Variants in TPST1 observed in about 807,000 individuals in gnomAD.
The protein encoded by TPST1 is tyrosylprotein sulfotransferase 1, also known as protein-tyrosine sulfotransferase 1.
Under a neutral mutation model 34.8 loss-of-function variants are expected in TPST1, and 20 were observed. The ratio of observed to expected loss-of-function variants is 0.57; its 90% CI spans 0.40 to 0.84. TPST1 has a LOEUF of 0.84. Among genes scored for constraint, TPST1 ranks in the 40% least tolerant of loss-of-function variants. TPST1 has a pLI of 0.00. For synonymous variants in TPST1, 152 were observed against 159.4 expected (o/e 0.95, Z 0.35); for missense variants, 353 against 455.5 (o/e 0.78, Z 2.05).
Position 66,315,433 on chromosome 7 carries a change from C to T in TPST1, c.1044+28724C>T, listed in dbSNP as rs1791613546. On this transcript the variant is annotated intron_variant, in intron 3 of 5. Coordinates refer to ENST00000304842, the MANE Select transcript of TPST1 (RefSeq NM_003596.4). ...ATCAGCTGAGTTCTTCCTGCTGCTG[C>T]TCTGACCTGTTAGTAGTGCTCACGG... Among the ~76,000 whole-genome samples, 2 of 152,212 alleles carry T rather than the reference C, an allele frequency of 1.3e-5. 1 individual carries two copies. Among genetic ancestry groups the T allele is most frequent in the South Asian group, 4.1e-4 (2 of 4,834 alleles).
intron 1 of TPST1, among the ~76,000 whole-genome samples, chr7:66,231,144 A>G (rs531934571): frequency 6.6e-6 from 1 of 152,190 alleles, no homozygotes; most frequent in South Asian, 2.1e-4. Flanking sequence ...CGATTGGTGC[A>G]CTCACAAACC....
chr7:66,337,314 T>TC (rs1212369318), intron 3 of TPST1, among the ~76,000 whole-genome samples: 1 of 148,642 alleles, frequency 6.7e-6, no homozygotes, highest in African/African-American at 2.5e-5. Context: ...TTTTTTTTTT[T>TC]TTTTTTTTTT....
intron 2 of TPST1, among the ~76,000 whole-genome samples, chr7:66,252,128 G>A (rs558678909): frequency 6.6e-6 from 1 of 151,882 alleles, no homozygotes; most frequent in East Asian, 1.9e-4. Context: ...TGCGATCTCG[G>A]CTCACTGCAA....
intron 1 of TPST1, among the ~76,000 whole-genome samples, chr7:66,210,825 C>T (rs1325521007): frequency 6.6e-6 from 1 of 151,962 alleles, no homozygotes; most frequent in Middle Eastern, 3.2e-3. Context: ...ACTAGCCAGG[C>T]ACATGTGATG....
rs1487744050 is a variant in TPST1 at position 66,219,087 on chromosome 7, A to G, written c.-102+13565A>G. ...TTTTTTTGGTATTTTTAGTAGAGACAGGGTTTTGCCATGTTGGCCATGCTG... is the reference window on the plus strand; with the variant it reads ...TTTTTTTGGTATTTTTAGTAGAGACGGGGTTTTGCCATGTTGGCCATGCTG... On this transcript the variant is annotated intron_variant, in intron 1 of 5. Coordinates refer to ENST00000304842, the MANE Select transcript of TPST1 (RefSeq NM_003596.4). Among the ~76,000 whole-genome samples the G allele has an allele frequency of 1.4e-3, 198 of 141,446 alleles. 1 individual carries two copies. Among genetic ancestry groups the G allele is most frequent in the Non-Finnish European group, 2.4e-3 (161 of 65,860 alleles). 92.8% of individuals were successfully genotyped at this position (141,446 alleles called of 152,430 possible).
At chr7:66,209,638 T>C (rs1212823107) in intron 1 of TPST1, among the ~76,000 whole-genome samples, 1 of 152,192 alleles carries the variant, frequency 6.6e-6, no homozygotes, top group East Asian at 1.9e-4. Flanking sequence ...AGGCTTCTGG[T>C]TATCTCTGCA....
chr7:66,347,920 A>G (rs1019981808), intron 3 of TPST1, among the ~76,000 whole-genome samples: 2 of 152,178 alleles, frequency 1.3e-5, no homozygotes, highest in Admixed American at 6.5e-5. Context: ...ATCTATAAAC[A>G]AGGATAATTT....
intron 3 of TPST1, among the ~76,000 whole-genome samples, chr7:66,294,593 C>T (rs1024823502): frequency 4.6e-5 from 7 of 151,408 alleles, no homozygotes; most frequent in Non-Finnish European, 8.9e-5. Flanking sequence ...ATCCTCTTTA[C>T]ACTTTTTATA....
chr7:66,248,090 G>A (rs1325678565), intron 2 of TPST1, among the ~76,000 whole-genome samples: 3 of 152,182 alleles, frequency 2.0e-5, no homozygotes, highest in Admixed American at 6.5e-5. Flanking sequence ...TAACAAAGAT[G>A]AGTAACAATG....
chr7:66,258,185 T>G (rs989747339), intron 2 of TPST1, among the ~76,000 whole-genome samples: 4 of 152,180 alleles, frequency 2.6e-5, no homozygotes, highest in Admixed American at 6.5e-5. Flanking sequence ...TACTTTTGAT[T>G]GTCTTTTCCC....
chr7:66,264,332 G>A (rs572192025), intron 2 of TPST1, among the ~76,000 whole-genome samples: 1 of 152,308 alleles, frequency 6.6e-6, no homozygotes, highest in East Asian at 1.9e-4. Context: ...CAAGAATGTA[G>A]AAGGCCACAT....
chr7:66,307,101 A>T (rs1791438787), intron 3 of TPST1, among the ~76,000 whole-genome samples: 1 of 151,664 alleles, frequency 6.6e-6, no homozygotes, highest in South Asian at 2.1e-4. Flanking sequence ...AGGTGGCTTA[A>T]CCTCACCATA....
At chr7:66,263,476 T>C (rs1790528819) in intron 2 of TPST1, among the ~76,000 whole-genome samples, 1 of 152,188 alleles carries the variant, frequency 6.6e-6, no homozygotes, top group Non-Finnish European at 1.5e-5. Flanking sequence ...AGTCCTAGTA[T>C]GTAGAGGCTG....
At chr7:66,261,660 A>G (rs1243800672) in intron 2 of TPST1, among the ~76,000 whole-genome samples, 1 of 152,162 alleles carries the variant, frequency 6.6e-6, no homozygotes, top group Non-Finnish European at 1.5e-5. Context: ...TATATTTAAT[A>G]CATGTATTTT....
intron 2 of TPST1, among the ~76,000 whole-genome samples, chr7:66,264,308 G>C (rs760765862): frequency 1.3e-5 from 2 of 152,214 alleles, no homozygotes; most frequent in Non-Finnish European, 2.9e-5. Flanking sequence ...GCTTTGAAAA[G>C]CTTCACATAT....
At chr7:66,215,931 G>C (rs1302012405) in intron 1 of TPST1, among the ~76,000 whole-genome samples, 1 of 149,944 alleles carries the variant, frequency 6.7e-6, no homozygotes, top group Non-Finnish European at 1.5e-5. Context: ...CGCCACGACG[G>C]CTGGCTAATT....
intron 1 of TPST1, among the ~76,000 whole-genome samples, chr7:66,209,294 G>C (rs1167020562): frequency 1.3e-5 from 2 of 152,146 alleles, no homozygotes; most frequent in East Asian, 3.8e-4. Flanking sequence ...TGATAACCTG[G>C]TGCTTTTGGG....
At chr7:66,311,739 G>A (rs1330407132) in intron 3 of TPST1, among the ~76,000 whole-genome samples, 1 of 152,084 alleles carries the variant, frequency 6.6e-6, no homozygotes, top group Non-Finnish European at 1.5e-5. Flanking sequence ...ATAATAAGAT[G>A]GGAGAAGAAT....
At chr7:66,225,826 C>CTA (rs1789643361) in intron 1 of TPST1, among the ~76,000 whole-genome samples, 1 of 152,154 alleles carries the variant, frequency 6.6e-6, no homozygotes, top group African/African-American at 2.4e-5. Context: ...GCCTCAAACA[C>CTA]TATAGTCTCT....
Sources: allele counts gnomAD v4.1 joint callset (sites outside exome capture counted in the v4.1 genomes callset), GRCh38; gene constraint gnomAD v4.1.1; transcripts MANE v1.5; gene names NCBI Gene and HGNC (gene_info 2026-07-23, HGNC 2026-07-21).